Variants in AGK observed in about 807,000 individuals in gnomAD.
AGK encodes acylglycerol kinase, mitochondrial.
A neutral mutation model predicts 66.4 loss-of-function variants in AGK; 52 were observed. The observed-to-expected ratio is 0.78, with a 90% CI of 0.63 to 0.99. The LOEUF (loss-of-function observed/expected upper bound fraction) is 0.99. Among genes scored for constraint, AGK ranks in the 50% least tolerant of loss-of-function variants. AGK has a pLI of 0.00. For synonymous variants in AGK, 182 were observed against 181.1 expected (o/e 1.00, Z -0.04); for missense variants, 451 against 506.6 (o/e 0.89, Z 1.05).
chr7:141,578,987 A>G (rs1424254711), intron 2 of AGK, among the ~76,000 whole-genome samples: 3 of 152,044 alleles, frequency 2.0e-5, no homozygotes, highest in African/African-American at 7.3e-5. Context: ...GGCAGTGTAA[A>G]CAAGAGCAGG....
intron 9 of AGK, among the ~76,000 whole-genome samples, chr7:141,622,740 C>CT (rs766421454): frequency 1.6e-4 from 24 of 152,124 alleles, no homozygotes; most frequent in Non-Finnish European, 3.1e-4. Context: ...GAAGACGCAT[C>CT]TGTCTCTCAC....
intron 2 of AGK, among the ~76,000 whole-genome samples, chr7:141,568,290 C>T (rs372364534): frequency 4.6e-5 from 7 of 152,288 alleles, no homozygotes; most frequent in East Asian, 1.9e-4. Flanking sequence ...AGCAGCAAGC[C>T]GTGTCGGAAG....
chr7:141,572,843 A>C (rs923959993), intron 2 of AGK, among the ~76,000 whole-genome samples: 3 of 152,212 alleles, frequency 2.0e-5, no homozygotes, highest in Non-Finnish European at 4.4e-5. Context: ...TAAATTATGC[A>C]TAAGCCACAC....
At chr7:141,634,439 C>A (rs1797125907) in intron 10 of AGK, among the ~76,000 whole-genome samples, 1 of 152,168 alleles carries the variant, frequency 6.6e-6, no homozygotes, top group African/African-American at 2.4e-5. Flanking sequence ...CAGGCCGCTG[C>A]TCTTAGAGGA....
chr7:141,557,630 T>C (rs984937646), intron 2 of AGK, among the ~76,000 whole-genome samples: 1 of 152,186 alleles, frequency 6.6e-6, no homozygotes, highest in African/African-American at 2.4e-5. Context: ...GACCATTAAG[T>C]CTTCAGGACT....
chr7:141,591,438 G>A (rs149128291), intron 2 of AGK, among the ~76,000 whole-genome samples: 4 of 152,120 alleles, frequency 2.6e-5, no homozygotes, highest in African/African-American at 9.7e-5. Context: ...ATACTTCCCT[G>A]TGGATGGTGT....
chr7:141,567,676 C>T (rs193298455), intron 2 of AGK, among the ~76,000 whole-genome samples: 4 of 152,340 alleles, frequency 2.6e-5, no homozygotes, highest in African/African-American at 9.6e-5. Context: ...ACTGCTTTTA[C>T]CAAGCTTTCC....
rs1378611854 is a variant in AGK at position 141,598,156 on chromosome 7, C to T, written c.221+1515C>T. 1.3e-5 allele frequency among the ~76,000 whole-genome samples: 2 copies of T among 152,108 alleles called. No homozygotes were observed. The highest frequency in any genetic ancestry group is 1.5e-5 in the Non-Finnish European group (1 of 68,030). ...CAGGAGGACACATCCTGCTTTATTTCTTTGTAATTCAGTGGTTTAATTCAG... is the reference window on the plus strand; with the variant it reads ...CAGGAGGACACATCCTGCTTTATTTTTTTGTAATTCAGTGGTTTAATTCAG... On this transcript the variant is annotated intron_variant, in intron 4 of 15. Coordinates refer to ENST00000649286, the MANE Select transcript of AGK (RefSeq NM_018238.4). The surrounding 1 kb of genome is among the most constrained non-coding windows in gnomAD (Gnocchi z 4.2).
intron 8 of AGK, among the ~76,000 whole-genome samples, chr7:141,616,732 G>C (rs1205777373): frequency 6.6e-6 from 1 of 150,684 alleles, no homozygotes; most frequent in Non-Finnish European, 1.5e-5. Flanking sequence ...GGCCATTTCA[G>C]TTGGCCATCC....
At chr7:141,637,950 G>C (rs1192327617) in intron 11 of AGK, among the ~76,000 whole-genome samples, 1 of 152,100 alleles carries the variant, frequency 6.6e-6, no homozygotes, top group Non-Finnish European at 1.5e-5. Flanking sequence ...TATATACCAA[G>C]GGCAAACTGG....
At chr7:141,612,217 T>C (rs1280591849) in intron 6 of AGK, among the ~76,000 whole-genome samples, 1 of 152,166 alleles carries the variant, frequency 6.6e-6, no homozygotes, top group African/African-American at 2.4e-5. Context: ...TGAAAGAGGA[T>C]AGTCTGAAAA....
chr7:141,561,477 G>A (rs527911315), intron 2 of AGK, among the ~76,000 whole-genome samples: 1 of 151,144 alleles, frequency 6.6e-6, no homozygotes, highest in South Asian at 2.1e-4. Context: ...GGAGTAAGGT[G>A]GTATCTCATT....
intron 2 of AGK, among the ~76,000 whole-genome samples, chr7:141,579,546 C>T (rs1405414851): frequency 3.3e-5 from 5 of 151,764 alleles, no homozygotes; most frequent in Non-Finnish European, 4.4e-5. Flanking sequence ...TTTATTGACT[C>T]GAGGCATGTG....
chr7:141,639,725 C>G (rs759827387), intron 11 of AGK, among the ~76,000 whole-genome samples: 5 of 152,134 alleles, frequency 3.3e-5, no homozygotes, highest in Non-Finnish European at 5.9e-5. Flanking sequence ...TTAGGATTAT[C>G]AAGTAGCACT....
At chr7:141,566,011 T>A (rs1162087616) in intron 2 of AGK, among the ~76,000 whole-genome samples, 3 of 152,248 alleles carry the variant, frequency 2.0e-5, no homozygotes, top group African/African-American at 7.2e-5. Flanking sequence ...CCACATTTTA[T>A]ACTTTAACAC....
intron 5 of AGK, among the ~76,000 whole-genome samples, chr7:141,607,166 G>A (rs538844938): frequency 5.3e-5 from 8 of 152,032 alleles, no homozygotes; most frequent in Non-Finnish European, 1.0e-4. Context: ...AGTCATTTGG[G>A]TAAATGCCTA....
chr7:141,641,234 C>T lies in AGK; in HGVS notation c.727-14C>T. ...TACATGCATAACAAAATTTTTCTCT[C>T]TCCACATTAAAAGGAGTGGCCTCAG... On this transcript the variant is annotated splice_polypyrimidine_tract_variant and intron_variant, in intron 11 of 15. Coordinates refer to ENST00000649286, the MANE Select transcript of AGK (RefSeq NM_018238.4). 1 of 1,591,010 alleles carries T rather than the reference C, an allele frequency of 6.3e-7. No homozygotes were observed. Among genetic ancestry groups the T allele is most frequent in the Non-Finnish European group, 8.5e-7 (1 of 1,174,040 alleles).
intron 13 of AGK, 166 bp from the exon 14 acceptor site, chr7:141,649,094 GAAA>G (rs34553236): frequency 7.0e-3 from 2,190 of 312,686 alleles, no homozygotes; most frequent in Middle Eastern, 0.012. Flanking sequence ...AGCTCTTTGT[GAAA>G]AAAAAAAAAA....
At chr7:141,597,147 T>A (rs1463518205) in intron 4 of AGK, 1 of 153,368 alleles carries the variant, frequency 6.5e-6, no homozygotes, top group African/African-American at 2.4e-5. Context: ...GACCTAGTTA[T>A]GGCTTTGTTA....
Sources: gnomAD v4.1 joint callset for allele counts (sites outside exome capture counted in the v4.1 genomes callset) on GRCh38, gnomAD v4.1.1 for gene constraint, Gnocchi (gnomAD v3.1) non-coding constraint, MANE v1.5 for transcripts, NCBI Gene and HGNC (gene_info 2026-07-23, HGNC 2026-07-21) for gene names.